Variants in DLG5 observed in about 807,000 individuals in gnomAD.
The protein encoded by DLG5 is disks large homolog 5.
A neutral mutation model predicts 189.8 loss-of-function variants in DLG5; 48 were observed. The ratio of observed to expected loss-of-function variants is 0.25; its 90% confidence interval spans 0.20 to 0.32. DLG5 has a LOEUF of 0.32. Among genes scored for constraint, DLG5 ranks in the 10% least tolerant of loss-of-function variants. The pLI is 1.00. For missense variants in DLG5, 2,160 were observed against 2,544.7 expected (o/e 0.85, Z 3.25); for synonymous variants, 1,016 against 1,054.1 (o/e 0.96, Z 0.70).
chr10:77,834,532 C>T (rs554509481), intron 8 of DLG5, among the ~76,000 whole-genome samples: 7 of 152,302 alleles, frequency 4.6e-5, no homozygotes, highest in South Asian at 4.1e-4. Context: ...CGGATACCAG[C>T]CAGTCCTCAT....
At chr10:77,830,378 C>T (rs1340485844) in intron 10 of DLG5, 34 bp from the exon 11 acceptor site, 1 of 1,613,810 alleles carries the variant, frequency 6.2e-7, no homozygotes, top group East Asian at 2.2e-5. Flanking sequence ...ACGCATTTCA[C>T]AAAGCAGTGA....
At chr10:77,939,090 G>A in the DLG5 span, among the ~76,000 whole-genome samples, 90 of 152,354 alleles carry the variant, frequency 5.9e-4, 1 homozygote, top group East Asian at 0.016. Flanking sequence ...TGAGACAGGA[G>A]AATCACTTGA....
At chr10:77,894,983 T>G (rs1469567854) in intron 1 of DLG5, among the ~76,000 whole-genome samples, 2 of 152,234 alleles carry the variant, frequency 1.3e-5, no homozygotes, top group Admixed American at 6.5e-5. Flanking sequence ...TTCAAAGCAC[T>G]CGCTCTGCTT....
At chr10:77,889,373 G>C (rs1432946697) in intron 1 of DLG5, 1 of 152,260 alleles carries the variant, frequency 6.6e-6, no homozygotes, top group Non-Finnish European at 1.5e-5. Context: ...TCCCAGCTCT[G>C]AGCTGGCTGC....
At chr10:77,924,404 G>T (rs996392734) in intron 1 of DLG5, among the ~76,000 whole-genome samples, 1 of 152,020 alleles carries the variant, frequency 6.6e-6, no homozygotes, top group Admixed American at 6.5e-5. Flanking sequence ...ACACGGAAAG[G>T]GTGAGACCTA....
chr10:77,850,768 C>T (rs1047569942), intron 5 of DLG5, among the ~76,000 whole-genome samples: 3 of 152,212 alleles, frequency 2.0e-5, no homozygotes, highest in African/African-American at 4.8e-5. Context: ...CACGGGCACG[C>T]GGCGCCAGTG....
At position 77,880,965 on chromosome 10, in the gene DLG5, T is replaced by G. The variant is rs1383473746; in HGVS notation, c.305-11768A>C. Among the ~76,000 whole-genome samples, 389 of 55,730 alleles carry G rather than the reference T, an allele frequency of 7.0e-3. 2 individuals are homozygous for G. The highest frequency in any genetic ancestry group is 9.4e-3 in the Non-Finnish European group (306 of 32,500). 36.6% of individuals were successfully genotyped at this position (55,730 alleles called of 152,430 possible). ...CTCTCATCCACTAACCCTAGACCTT[T>G]TTTTTTTTTTTTTTTTTTTTTTTTT... On this transcript the variant is annotated intron_variant, in intron 1 of 31. Transcript: ENST00000372391.
At chr10:77,915,669 C>T (rs1006876197) in intron 1 of DLG5, among the ~76,000 whole-genome samples, 4 of 152,202 alleles carry the variant, frequency 2.6e-5, no homozygotes, top group Admixed American at 1.3e-4. Flanking sequence ...ACTAACATCC[C>T]AGCAAACTAG....
At chr10:77,872,035 C>A (rs1844922661) in intron 1 of DLG5, among the ~76,000 whole-genome samples, 1 of 152,140 alleles carries the variant, frequency 6.6e-6, no homozygotes, top group Non-Finnish European at 1.5e-5. Context: ...TTTATGGGGG[C>A]AAGGAAGGCT....
In DLG5 at chr10:77,812,915, T is replaced by G. The variant is rs1387692884; in HGVS notation, c.4026-538A>C. ...GGGAGCAAGGCTGCAGCCATGCACT[T>G]GCTGCCCTGGGGCTGTACAGTGCAC... On this transcript the variant is annotated intron_variant, in intron 20 of 31. Coordinates refer to ENST00000372391, the MANE Select transcript of DLG5 (RefSeq NM_004747.4). Among the ~76,000 whole-genome samples the G allele has an allele frequency of 4.6e-5, 7 of 152,378 alleles. No homozygotes were observed. In the South Asian group the frequency reaches 1.4e-3, roughly 32 times the overall value.
At chr10:77,836,012 G>A in intron 7 of DLG5, 90 bp from the exon 8 acceptor site, 1 of 1,357,232 alleles carries the variant, frequency 7.4e-7, no homozygotes, top group Non-Finnish European at 1.0e-6. Context: ...CAAGGCTGAG[G>A]CTCTAGGGAG....
the DLG5 span, among the ~76,000 whole-genome samples, chr10:77,935,586 G>A: frequency 1.3e-5 from 2 of 152,198 alleles, no homozygotes. Context: ...TGCTCTGAGT[G>A]TGCAGCTCCT....
At chr10:77,809,910 C>T (rs1841677177) in intron 23 of DLG5, among the ~76,000 whole-genome samples, 180 bp from the exon 24 acceptor site, 1 of 152,114 alleles carries the variant, frequency 6.6e-6, no homozygotes, top group South Asian at 2.1e-4. Flanking sequence ...CTAAGGTGCA[C>T]TGGAGATGAA....
At chr10:77,807,065 G>T in intron 25 of DLG5, 137 bp from the exon 26 acceptor site, 1 of 958,224 alleles carries the variant, frequency 1.0e-6, no homozygotes, top group Non-Finnish European at 1.5e-6. Flanking sequence ...ATCGCCGAGG[G>T]TGGTGATTCT....
intron 27 of DLG5, among the ~76,000 whole-genome samples, chr10:77,804,268 A>G (rs1841363739): frequency 6.6e-6 from 1 of 152,254 alleles, no homozygotes; most frequent in Non-Finnish European, 1.5e-5. Flanking sequence ...AGCAATTGTT[A>G]TCAGCAAAGG....
At chr10:77,883,353 G>T (rs1195657486) in intron 1 of DLG5, among the ~76,000 whole-genome samples, 2 of 152,180 alleles carry the variant, frequency 1.3e-5, no homozygotes, top group African/African-American at 2.4e-5. Context: ...GTTAACAGAG[G>T]CAGAGGATTA....
intron 24 of DLG5, among the ~76,000 whole-genome samples, chr10:77,808,985 G>T (rs2154575209): frequency 6.6e-6 from 1 of 152,158 alleles, no homozygotes; most frequent in Admixed American, 6.5e-5. Context: ...TGTAATCTCA[G>T]CTACTCAGGA....
chr10:77,818,272 G>A (rs1842163462), intron 17 of DLG5, among the ~76,000 whole-genome samples: 1 of 152,136 alleles, frequency 6.6e-6, no homozygotes, highest in Non-Finnish European at 1.5e-5. Flanking sequence ...TTTGGGGAGG[G>A]GACCTATGTG....
intron 26 of DLG5, among the ~76,000 whole-genome samples, chr10:77,806,337 C>T (rs957113960): frequency 6.6e-6 from 1 of 151,112 alleles, no homozygotes; most frequent in Non-Finnish European, 1.5e-5. Context: ...GGGCTGAGGG[C>T]TGGGTGGGAG....
Sources: gnomAD v4.1 joint callset for allele counts (sites outside exome capture counted in the v4.1 genomes callset) on GRCh38, gnomAD v4.1.1 for gene constraint, MANE v1.5 for transcripts, NCBI Gene and HGNC (gene_info 2026-07-23, HGNC 2026-07-21) for gene names.